The following AGBL2 variants were observed in gnomAD, a reference collection of about 807,000 sequenced individuals.
AGBL2 encodes AGBL carboxypeptidase 2.
Under a neutral mutation model 103.0 loss-of-function variants are expected in AGBL2, and 87 were observed. The ratio of observed to expected loss-of-function variants is 0.84; its 90% CI spans 0.71 to 1.01. The LOEUF (loss-of-function observed/expected upper bound fraction) is 1.01, where lower values mean the gene tolerates loss of function less well. Among genes scored for constraint, AGBL2 ranks in the 50% least tolerant of loss-of-function variants. AGBL2 has a pLI of 0.00. For synonymous variants in AGBL2, 335 were observed against 356.7 expected, an observed-to-expected ratio of 0.94 and a Z score of 0.69; for missense variants, 904 against 1,023.5, an observed-to-expected ratio of 0.88 and a Z score of 1.59.
At chr11:47,691,640 G>A (rs139322375) in intron 9 of AGBL2, among the ~76,000 whole-genome samples, 15,260 of 139,700 alleles carry the variant, frequency 0.11, 992 homozygotes, top group Non-Finnish European at 0.15. Context: ...CCTGGGAGGC[G>A]GAGCTTGCAG....
At chr11:47,687,752 T>G (rs1487565257) in intron 10 of AGBL2, among the ~76,000 whole-genome samples, 1 of 152,084 alleles carries the variant, frequency 6.6e-6, no homozygotes, top group African/African-American at 2.4e-5. Context: ...CCTCTTTTCT[T>G]TATAAATTAC....
chr11:47,687,813 T>A (rs916763170), intron 10 of AGBL2, among the ~76,000 whole-genome samples: 1 of 150,344 alleles, frequency 6.7e-6, no homozygotes, highest in Non-Finnish European at 1.5e-5. Flanking sequence ...CTTTCTTTTT[T>A]TTTTTTTTTG....
chr11:47,704,005 G>A (rs1052698720), intron 7 of AGBL2, among the ~76,000 whole-genome samples: 7 of 151,800 alleles, frequency 4.6e-5, no homozygotes, highest in African/African-American at 1.7e-4. Context: ...GGGGGGCTTA[G>A]GCAGGAGAAT....
Position 47,674,875 on chromosome 11 carries a change from C to G in AGBL2, c.2147+2396G>C, listed in dbSNP as rs142455869. Among the ~76,000 whole-genome samples, 911 of 152,030 alleles carry G rather than the reference C, an allele frequency of 6.0e-3. 9 individuals are homozygous for G. The highest frequency in any genetic ancestry group is 0.021 in the African/African-American group (882 of 41,480). ...GCAGCCTCCCGAGTAGCTGGGATTA[C>G]AGGCATGTGCCATCACACACAACTG... On this transcript the variant is annotated intron_variant, in intron 14 of 18. Transcript: ENST00000525123.
intron 3 of AGBL2, among the ~76,000 whole-genome samples, chr11:47,711,422 C>T (rs972188687): frequency 2.0e-5 from 3 of 152,200 alleles, no homozygotes; most frequent in Admixed American, 1.3e-4. Flanking sequence ...ACTTGCTTGC[C>T]ACCCCTCCCC....
intron 14 of AGBL2, 135 bp downstream of exon 14, chr11:47,677,136 T>C (rs927043737): frequency 4.6e-6 from 3 of 657,488 alleles, no homozygotes; most frequent in Admixed American, 4.1e-5. Flanking sequence ...GCCTCCCCAG[T>C]GTCTGGGACT....
rs1425474584 is a variant in AGBL2, at chr11:47,690,415, C to G, written c.1292G>C (p.Gly431Ala). 6.2e-7 allele frequency: 1 copy of G among 1,614,112 alleles called. No individual in the cohort carries two copies. Among genetic ancestry groups the G allele is most frequent in the Non-Finnish European group, 8.5e-7 (1 of 1,180,020 alleles). Residue 431 changes from glycine (G) to alanine (A), a missense_variant, in exon 10 of 19, where the codon GGA becomes GCA. By Grantham distance (60) the Gly-to-Ala change is moderately conservative. Transcript: ENST00000525123. Reference sequence around the variant, plus strand: ...GATGGTGAGCAAGTAAACGGTATTTCCTGCTAGGCTCCTGCATAAAGTTTG... The same window carrying G: ...GATGGTGAGCAAGTAAACGGTATTTGCTGCTAGGCTCCTGCATAAAGTTTG... Reference protein sequence around the residue: ...KLQTLCRSLAGNTVYLLTITN... With the variant: ...KLQTLCRSLAANTVYLLTITN...
At chr11:47,697,703 G>A (rs1235129653) in intron 8 of AGBL2, among the ~76,000 whole-genome samples, 3 of 150,788 alleles carry the variant, frequency 2.0e-5, no homozygotes, top group Non-Finnish European at 2.9e-5. Flanking sequence ...GTGCCACCAC[G>A]CCCGGCTATT....
In AGBL2 at chr11:47,660,147, G is replaced by A; in HGVS notation, c.*26C>T. 1.9e-6 allele frequency: 3 copies of A among 1,581,180 alleles called. No individual in the cohort carries two copies. The highest frequency in any genetic ancestry group is 1.4e-5 in the African/African-American group (1 of 73,726). On this transcript the variant is annotated 3_prime_UTR_variant, in exon 19 of 19. Coordinates refer to ENST00000525123, the MANE Select transcript of AGBL2 (RefSeq NM_024783.4). ...CTAATCTCAAAACCCCCGATGAAGT[G>A]CTTGTGTGGCACAGCCCAGGCTCAC...
intron 9 of AGBL2, 110 bp downstream of exon 9, chr11:47,691,993 A>C: frequency 2.3e-5 from 21 of 919,038 alleles, no homozygotes; most frequent in Non-Finnish European, 3.0e-5. Context: ...ACCCATAACT[A>C]TTCCCCATCA....
Position 47,667,711 on chromosome 11 carries a change from A to G in AGBL2, c.2215-15T>C, listed in dbSNP as rs1172262220. 1 of 1,606,782 alleles carries G rather than the reference A, an allele frequency of 6.2e-7. No homozygotes were observed. Among genetic ancestry groups the G allele is most frequent in the East Asian group, 2.2e-5 (1 of 44,858 alleles). ...TTCTGAGTCAGCTATTCCAGAAAGTAGAGAAACTGGTCATTGAAGATTCCA... is the reference window on the plus strand; with the variant it reads ...TTCTGAGTCAGCTATTCCAGAAAGTGGAGAAACTGGTCATTGAAGATTCCA... On this transcript the variant is annotated splice_polypyrimidine_tract_variant and intron_variant, in intron 15 of 18. Coordinates refer to ENST00000525123, the MANE Select transcript of AGBL2 (RefSeq NM_024783.4).
chr11:47,688,305 C>T (rs942658849), intron 10 of AGBL2, among the ~76,000 whole-genome samples: 5 of 151,988 alleles, frequency 3.3e-5, no homozygotes, highest in African/African-American at 2.4e-5. Context: ...GGTAGCCTTG[C>T]GTAAGTTGAC....
At chr11:47,693,871 AG>A (rs1280990468) in intron 8 of AGBL2, among the ~76,000 whole-genome samples, 1 of 152,128 alleles carries the variant, frequency 6.6e-6, no homozygotes, top group Non-Finnish European at 1.5e-5. Flanking sequence ...GTGGTCAGCC[AG>A]TGACCAGACA....
intron 8 of AGBL2, among the ~76,000 whole-genome samples, chr11:47,693,841 T>C (rs1221034069): frequency 6.6e-6 from 1 of 151,566 alleles, no homozygotes; most frequent in Non-Finnish European, 1.5e-5. Context: ...ACCAGGTGTC[T>C]TCTCCGTTCC....
chr11:47,687,427 C>T (rs1264563825), intron 10 of AGBL2, among the ~76,000 whole-genome samples: 1 of 151,894 alleles, frequency 6.6e-6, no homozygotes, highest in East Asian at 1.9e-4. Context: ...GATGGAAAAA[C>T]ATTCCCGTTA....
chr11:47,700,199 C>A (rs1265894420), intron 7 of AGBL2, among the ~76,000 whole-genome samples: 2 of 152,058 alleles, frequency 1.3e-5, no homozygotes, highest in Admixed American at 6.6e-5. Flanking sequence ...TCAGGTGATC[C>A]GCCCTCCTCT....
intron 13 of AGBL2, among the ~76,000 whole-genome samples, chr11:47,677,893 T>C (rs2097381884): frequency 6.6e-6 from 1 of 152,034 alleles, no homozygotes; most frequent in Non-Finnish European, 1.5e-5. Flanking sequence ...GAGGAACAAA[T>C]AGAAATTTTT....
intron 14 of AGBL2, among the ~76,000 whole-genome samples, chr11:47,670,292 C>A (rs1307004082): frequency 6.6e-6 from 1 of 152,068 alleles, no homozygotes; most frequent in East Asian, 1.9e-4. Context: ...TGAGCCTGGG[C>A]GATACAGTAC....
intron 11 of AGBL2, 151 bp downstream of exon 11, chr11:47,685,742 A>G: frequency 1.2e-6 from 1 of 860,504 alleles, no homozygotes; most frequent in South Asian, 1.8e-5. Flanking sequence ...TCTTAAAACC[A>G]CGCTTTTCTA....
Sources: gnomAD v4.1 joint callset for allele counts (sites outside exome capture counted in the v4.1 genomes callset) on GRCh38, gnomAD v4.1.1 for gene constraint, MANE v1.5 for transcripts, NCBI Gene and HGNC (gene_info 2026-07-23, HGNC 2026-07-21) for gene names.